The following TMEM117 variants were observed in gnomAD, a reference collection of about 807,000 sequenced individuals.
TMEM117 encodes transmembrane protein 117.
Under a neutral mutation model 52.4 loss-of-function variants are expected in TMEM117, and 27 were observed. The observed-to-expected ratio is 0.51, with a 90% confidence interval of 0.38 to 0.71. The LOEUF is 0.71. Among genes scored for constraint, TMEM117 ranks in the 30% least tolerant of loss-of-function variants. The pLI is 0.00. For missense variants in TMEM117, 556 were observed against 630.5 expected (o/e 0.88, Z 1.26); for synonymous variants, 215 against 206.3 (o/e 1.04, Z -0.36).
intron 6 of TMEM117, among the ~76,000 whole-genome samples, chr12:44,323,390 A>C (rs1951157252): frequency 6.6e-6 from 1 of 152,202 alleles, no homozygotes; most frequent in Non-Finnish European, 1.5e-5. Flanking sequence ...TTGCTAGCCA[A>C]TAGTCAAACA....
the TMEM117 span, among the ~76,000 whole-genome samples, chr12:43,802,671 A>T: frequency 6.6e-6 from 1 of 152,226 alleles, no homozygotes; most frequent in Non-Finnish European, 1.5e-5. Context: ...CATGGTTAAA[A>T]TGTTTAAAAT....
At chr12:43,845,043 T>C in intron 2 of TMEM117, 115 bp downstream of exon 2, 1 of 1,208,536 alleles carries the variant, frequency 8.3e-7, no homozygotes, top group Non-Finnish European at 1.1e-6. Flanking sequence ...TTTGTCCTCC[T>C]GCCTTAAGTT....
the TMEM117 span, among the ~76,000 whole-genome samples, chr12:43,803,895 CTGAG>C: frequency 3.0e-4 from 45 of 152,190 alleles, no homozygotes; most frequent in African/African-American, 9.4e-4. Context: ...TCATTTATGA[CTGAG>C]TACCTATAAC....
At position 44,337,937 on chromosome 12, in the gene TMEM117, C is replaced by T. The variant is rs1951363655; in HGVS notation, c.768+38198C>T. 2.0e-5 allele frequency among the ~76,000 whole-genome samples: 3 copies of T among 152,148 alleles called. No homozygotes were observed. In the South Asian group the frequency reaches 6.2e-4, roughly 32 times the overall value. The stretch of plus-strand genomic sequence containing the variant: ...GGAGCAGCCATGAATGATTAAGAAC[C>T]ACTGACCTACATGGGGAAATGCTGA... On this transcript the variant is annotated intron_variant, in intron 6 of 7. Transcript: ENST00000266534.
Position 43,885,947 on chromosome 12 carries a change from G to A in TMEM117, c.277+41019G>A, listed in dbSNP as rs1304237921. ...ACATTTTACTATGAAACAGTATGTT[G>A]AGCACAGATAATTACAACTAATGAG... On this transcript the variant is annotated intron_variant, in intron 2 of 7. Transcript: ENST00000266534. Among the ~76,000 whole-genome samples the A allele has an allele frequency of 3.3e-5, 5 of 152,172 alleles. No homozygotes were observed. The East Asian group carries it at 9.6e-4, about 29-fold the overall frequency.
At chr12:44,244,075 A>G (rs1297567922) in intron 5 of TMEM117, among the ~76,000 whole-genome samples, 1 of 151,994 alleles carries the variant, frequency 6.6e-6, no homozygotes, top group South Asian at 2.1e-4. Context: ...GAATAATGCT[A>G]CAGTAAACAT....
chr12:44,138,675 C>T (rs754268411), intron 3 of TMEM117, among the ~76,000 whole-genome samples: 1 of 152,148 alleles, frequency 6.6e-6, no homozygotes, highest in Non-Finnish European at 1.5e-5. Context: ...CTACAGCTAA[C>T]AATTGTCTGC....
chr12:43,910,565 G>A (rs1181217369), intron 2 of TMEM117, among the ~76,000 whole-genome samples: 2 of 151,634 alleles, frequency 1.3e-5, no homozygotes, highest in Non-Finnish European at 1.5e-5. Flanking sequence ...GTCCCTGTTT[G>A]CAGACGACAT....
At chr12:43,866,424 A>G (rs1029356124) in intron 2 of TMEM117, among the ~76,000 whole-genome samples, 14 of 151,378 alleles carry the variant, frequency 9.2e-5, no homozygotes, top group African/African-American at 2.9e-4. Flanking sequence ...AAAAAAAAAA[A>G]AAAAGTTATG....
At chr12:44,018,505 T>C (rs189642801) in intron 3 of TMEM117, among the ~76,000 whole-genome samples, 58 of 152,258 alleles carry the variant, frequency 3.8e-4, no homozygotes, top group Admixed American at 1.5e-3. Flanking sequence ...TTAGAGACAA[T>C]TGTTTTAATA....
At chr12:44,173,370 C>T (rs1328181346) in intron 4 of TMEM117, among the ~76,000 whole-genome samples, 1 of 152,294 alleles carries the variant, frequency 6.6e-6, no homozygotes, top group African/African-American at 2.4e-5. Context: ...AGCCACCATG[C>T]CTGGCAACCT....
intron 3 of TMEM117, among the ~76,000 whole-genome samples, chr12:44,114,198 G>A (rs549392743): frequency 1.1e-4 from 17 of 152,002 alleles, no homozygotes; most frequent in Non-Finnish European, 2.4e-4. Context: ...GCTGTAGACC[G>A]GAGCTGTTCC....
chr12:44,200,073 C>T (rs969144035), intron 4 of TMEM117, among the ~76,000 whole-genome samples: 2 of 152,104 alleles, frequency 1.3e-5, no homozygotes, highest in Non-Finnish European at 2.9e-5. Context: ...GAGCCGAGAT[C>T]GTGCCACTGC....
chr12:44,197,004 T>C (rs1949429676), intron 4 of TMEM117, among the ~76,000 whole-genome samples: 1 of 152,200 alleles, frequency 6.6e-6, no homozygotes, highest in South Asian at 2.1e-4. Flanking sequence ...TGTCACCCAA[T>C]AGAGCTGGCT....
intron 6 of TMEM117, among the ~76,000 whole-genome samples, chr12:44,341,332 C>A (rs1565734061): frequency 6.6e-6 from 1 of 152,014 alleles, no homozygotes; most frequent in Non-Finnish European, 1.5e-5. Context: ...CAAGTGTACA[C>A]ATTGTTTAGC....
intron 2 of TMEM117, among the ~76,000 whole-genome samples, chr12:43,886,727 A>T (rs1944001249): frequency 6.6e-6 from 1 of 152,130 alleles, no homozygotes; most frequent in African/African-American, 2.4e-5. Context: ...TTATTTCATT[A>T]GTCAGGTATT....
intron 4 of TMEM117, among the ~76,000 whole-genome samples, chr12:44,171,013 CTTTT>C (rs757855409): frequency 1.5e-5 from 2 of 132,138 alleles, no homozygotes; most frequent in Non-Finnish European, 1.6e-5. Context: ...TAACAAATAT[CTTTT>C]TTTTTTTTTT....
At chr12:44,127,145 G>A (rs1948338684) in intron 3 of TMEM117, among the ~76,000 whole-genome samples, 1 of 152,108 alleles carries the variant, frequency 6.6e-6, no homozygotes, top group Non-Finnish European at 1.5e-5. Flanking sequence ...CAGGATTTCT[G>A]TGTTGAATTC....
chr12:44,132,710 T>A (rs966269805), intron 3 of TMEM117, among the ~76,000 whole-genome samples: 1 of 152,186 alleles, frequency 6.6e-6, no homozygotes, highest in Non-Finnish European at 1.5e-5. Context: ...CTGCAGTTTT[T>A]TTTAAATTCC....
Sources: allele counts gnomAD v4.1 joint callset (sites outside exome capture counted in the v4.1 genomes callset), GRCh38; gene constraint gnomAD v4.1.1; transcripts MANE v1.5; gene names NCBI Gene and HGNC (gene_info 2026-07-23, HGNC 2026-07-21).